CSMD3: variants seen among roughly 807,000 people sequenced by gnomAD.
The protein encoded by CSMD3 is CUB and sushi domain-containing protein 3.
Under a neutral mutation model 435.2 loss-of-function variants are expected in CSMD3, and 177 were observed. That is an observed-to-expected ratio of 0.41 (90% confidence interval 0.36 to 0.46). The LOEUF is 0.46. Among genes scored for constraint, CSMD3 ranks in the 20% least tolerant of loss-of-function variants. CSMD3 has a pLI of 0.34. For missense variants in CSMD3, 4,265 were observed against 4,504.6 expected (o/e 0.95, Z 1.52); for synonymous variants, 1,656 against 1,520.5 (o/e 1.09, Z -2.07).
At chr8:112,917,037 C>G (rs1304299659) in intron 10 of CSMD3, among the ~76,000 whole-genome samples, 2 of 151,842 alleles carry the variant, frequency 1.3e-5, no homozygotes, top group African/African-American at 4.8e-5. Flanking sequence ...AACCTGTACA[C>G]CCATTTTTCC....
chr8:112,737,045 T>C (rs1345514524), intron 13 of CSMD3, among the ~76,000 whole-genome samples: 2 of 151,916 alleles, frequency 1.3e-5, no homozygotes, highest in Non-Finnish European at 2.9e-5. Flanking sequence ...TTTAGAAAAG[T>C]TGAGGCAACC....
intron 1 of CSMD3, among the ~76,000 whole-genome samples, chr8:113,423,091 T>G (rs1015247374): frequency 6.6e-6 from 1 of 152,084 alleles, no homozygotes; most frequent in Non-Finnish European, 1.5e-5. Flanking sequence ...TTTATATATG[T>G]TTTTAATAAT....
At chr8:112,919,009 C>A (rs926593938) in intron 10 of CSMD3, among the ~76,000 whole-genome samples, 3 of 151,898 alleles carry the variant, frequency 2.0e-5, no homozygotes, top group Non-Finnish European at 2.9e-5. Context: ...TCAGCATGTT[C>A]CCTCCATTAC....
At chr8:113,392,437 C>G (rs2094464985) in intron 1 of CSMD3, among the ~76,000 whole-genome samples, 1 of 152,076 alleles carries the variant, frequency 6.6e-6, no homozygotes, top group Admixed American at 6.6e-5. Context: ...TATGGGAGTT[C>G]TCTCTGATAC....
intron 1 of CSMD3, among the ~76,000 whole-genome samples, chr8:113,393,556 C>A (rs2094470513): frequency 6.6e-6 from 1 of 152,108 alleles, no homozygotes; most frequent in Non-Finnish European, 1.5e-5. Context: ...CTCAAAGTTA[C>A]AATGGACAAA....
chr8:112,890,605 A>T (rs2130320922), intron 10 of CSMD3, among the ~76,000 whole-genome samples: 1 of 151,830 alleles, frequency 6.6e-6, no homozygotes, highest in Admixed American at 6.6e-5. Flanking sequence ...GTCAGCTTTT[A>T]AAACTCCATG....
chr8:112,634,738 A>G (rs1056698991), intron 22 of CSMD3, among the ~76,000 whole-genome samples: 3 of 152,008 alleles, frequency 2.0e-5, no homozygotes, highest in African/African-American at 7.2e-5. Context: ...TTTTAAATGT[A>G]CATGTAAACA....
At chr8:112,642,465 G>A (rs1258751228) in intron 20 of CSMD3, among the ~76,000 whole-genome samples, 2 of 152,110 alleles carry the variant, frequency 1.3e-5, no homozygotes, top group African/African-American at 4.8e-5. Context: ...TTGACTTAAT[G>A]TTTAATGGTG....
intron 67 of CSMD3, 108 bp downstream of exon 67, chr8:112,237,082 G>GCA: frequency 7.8e-7 from 1 of 1,282,376 alleles, no homozygotes. Flanking sequence ...AAAAGCAAAT[G>GCA]TATCAAAATA....
At chr8:112,257,861 C>T (rs1471245199) in intron 61 of CSMD3, among the ~76,000 whole-genome samples, 13 of 152,074 alleles carry the variant, frequency 8.5e-5, no homozygotes, top group East Asian at 3.9e-4. Flanking sequence ...GGAGGCATCA[C>T]GCTACCTGAC....
At chr8:112,318,009 C>A (rs775661417) in intron 47 of CSMD3, among the ~76,000 whole-genome samples, 1 of 152,040 alleles carries the variant, frequency 6.6e-6, no homozygotes, top group Non-Finnish European at 1.5e-5. Context: ...AGGGGCTACA[C>A]AAATGAACAA....
At chr8:112,294,429 T>G (rs2130703750) in intron 54 of CSMD3, among the ~76,000 whole-genome samples, 1 of 152,264 alleles carries the variant, frequency 6.6e-6, no homozygotes, top group Admixed American at 6.5e-5. Context: ...AATATAAATG[T>G]CCGTTATCTG....
At chr8:112,525,000 A>G (rs1586596450) in intron 27 of CSMD3, among the ~76,000 whole-genome samples, 1 of 151,832 alleles carries the variant, frequency 6.6e-6, no homozygotes, top group South Asian at 2.1e-4. Flanking sequence ...ACATTTTTAT[A>G]TATTTTAAAC....
At chr8:112,282,002 G>A (rs963086) in intron 58 of CSMD3, among the ~76,000 whole-genome samples, 64,893 of 151,718 alleles carry the variant, frequency 0.43, 14,527 homozygotes, top group Middle Eastern at 0.54. Context: ...TTTTATATAT[G>A]TGTTTAACTA....
At chr8:113,224,482 A>T (rs2093004163) in intron 3 of CSMD3, among the ~76,000 whole-genome samples, 1 of 151,308 alleles carries the variant, frequency 6.6e-6, no homozygotes, top group Non-Finnish European at 1.5e-5. Context: ...ACCTATATAA[A>T]TAAATGACAT....
chr8:113,075,244 G>A (rs7015794), intron 5 of CSMD3, among the ~76,000 whole-genome samples: 101,589 of 151,242 alleles, frequency 0.67, 35,707 homozygotes, highest in East Asian at 0.95. Flanking sequence ...CATTGACATC[G>A]TGAATCCCAT....
intron 3 of CSMD3, among the ~76,000 whole-genome samples, chr8:113,229,791 T>C (rs1304633522): frequency 6.6e-6 from 1 of 151,642 alleles, no homozygotes; most frequent in Non-Finnish European, 1.5e-5. Context: ...CGGCCTAAAA[T>C]TTTCTGCTTC....
At chr8:112,845,022 G>C (rs986051548) in intron 11 of CSMD3, among the ~76,000 whole-genome samples, 1 of 151,894 alleles carries the variant, frequency 6.6e-6, no homozygotes, top group African/African-American at 2.4e-5. Flanking sequence ...TTAGTAGTGG[G>C]AACAGTAGTG....
intron 3 of CSMD3, among the ~76,000 whole-genome samples, chr8:113,222,096 G>C (rs963804314): frequency 6.6e-6 from 1 of 151,214 alleles, no homozygotes; most frequent in Non-Finnish European, 1.5e-5. Flanking sequence ...TGTAGATGAT[G>C]ACAAAAGGAT....
Sources: gnomAD v4.1 joint callset for allele counts (sites outside exome capture counted in the v4.1 genomes callset) on GRCh38, gnomAD v4.1.1 for gene constraint, MANE v1.5 for transcripts, NCBI Gene and HGNC (gene_info 2026-07-23, HGNC 2026-07-21) for gene names.